SYT14: variants seen among roughly 807,000 people sequenced by gnomAD.
The protein encoded by SYT14 is synaptotagmin-14.
In SYT14, 32 loss-of-function variants were observed where a neutral mutation model predicts 74.2. The ratio of observed to expected loss-of-function variants is 0.43; its 90% confidence interval spans 0.33 to 0.58. The LOEUF is 0.58. Ranked by LOEUF, SYT14 falls within the 20% of genes least tolerant of loss-of-function variation. The pLI is 0.05. For missense variants in SYT14, 791 were observed against 981.8 expected, an observed-to-expected ratio of 0.81 and a Z score of 2.60; for synonymous variants, 298 against 337.7, an observed-to-expected ratio of 0.88 and a Z score of 1.29.
chr1:210,161,629 A>C (rs1410112087), exon 10 of SYT14: 1 of 453,952 alleles, frequency 2.2e-6, no homozygotes, highest in East Asian at 6.9e-5. Flanking sequence ...AAAAGCACTA[A>C]ATCTAAGTGC....
chr1:210,007,756 G>A (rs936806689), intron 2 of SYT14, among the ~76,000 whole-genome samples: 2 of 152,110 alleles, frequency 1.3e-5, no homozygotes, highest in Non-Finnish European at 2.9e-5. Context: ...TAAGATCATG[G>A]ATTCTGGAGT....
At chr1:210,027,469 G>A (rs562852826) in intron 5 of SYT14, among the ~76,000 whole-genome samples, 1 of 151,888 alleles carries the variant, frequency 6.6e-6, no homozygotes, top group Non-Finnish European at 1.5e-5. Context: ...TCATTAAGTG[G>A]ACATGGATTA....
At chr1:210,124,353 G>A (rs2082526355) in intron 7 of SYT14, among the ~76,000 whole-genome samples, 1 of 152,070 alleles carries the variant, frequency 6.6e-6, no homozygotes, top group Non-Finnish European at 1.5e-5. Context: ...AATCCAGGAG[G>A]ATTTAACATA....
exon 10 of SYT14, chr1:210,162,210 G>A (rs2083386740): frequency 4.7e-6 from 2 of 429,248 alleles, no homozygotes; most frequent in Non-Finnish European, 9.5e-6. Flanking sequence ...AACAGATAAA[G>A]TTCTTCAACG....
intron 5 of SYT14, among the ~76,000 whole-genome samples, chr1:210,077,750 T>A (rs1366021167): frequency 6.6e-6 from 1 of 152,222 alleles, no homozygotes; most frequent in Non-Finnish European, 1.5e-5. Flanking sequence ...CGATACTTAC[T>A]ATTGTCTATA....
chr1:210,065,910 T>C (rs1472520815), intron 5 of SYT14, among the ~76,000 whole-genome samples: 4 of 150,636 alleles, frequency 2.7e-5, no homozygotes, highest in African/African-American at 9.8e-5. Context: ...CGGTGTGTGA[T>C]GTTCCCCTTC....
chr1:209,979,188 G>A (rs200734274), intron 2 of SYT14, among the ~76,000 whole-genome samples: 4 of 152,124 alleles, frequency 2.6e-5, no homozygotes, highest in Admixed American at 6.5e-5. Flanking sequence ...TTTGGCTCAC[G>A]CTGGGTGCAC....
chr1:210,054,877 G>C (rs1196571382), intron 5 of SYT14, among the ~76,000 whole-genome samples: 1 of 152,172 alleles, frequency 6.6e-6, no homozygotes, highest in African/African-American at 2.4e-5. Context: ...TCTGTTTTCA[G>C]AGGGGGAGTG....
chr1:210,052,595 G>A (rs2102383513), intron 5 of SYT14, among the ~76,000 whole-genome samples: 1 of 141,160 alleles, frequency 7.1e-6, no homozygotes, highest in Admixed American at 7.7e-5. Context: ...CCCAGAGCCG[G>A]AGATTGCAGT....
chr1:210,049,099 C>T (rs1269634210), intron 5 of SYT14, among the ~76,000 whole-genome samples: 3 of 152,218 alleles, frequency 2.0e-5, no homozygotes, highest in Non-Finnish European at 2.9e-5. Flanking sequence ...TTCCTGGCTG[C>T]TTTCACAGGA....
intron 5 of SYT14, among the ~76,000 whole-genome samples, chr1:210,089,199 G>A (rs1235765585): frequency 2.0e-5 from 3 of 152,164 alleles, no homozygotes; most frequent in Non-Finnish European, 4.4e-5. Flanking sequence ...TCCCTGCAAA[G>A]GACATGAACT....
At chr1:209,945,714 A>G (rs183193996) in intron 1 of SYT14, among the ~76,000 whole-genome samples, 130 of 152,362 alleles carry the variant, frequency 8.5e-4, no homozygotes, top group African/African-American at 2.9e-3. Context: ...AATGATCAGA[A>G]TAAACATGGT....
At chr1:210,128,605 G>A (rs1331377627) in intron 7 of SYT14, among the ~76,000 whole-genome samples, 2 of 152,094 alleles carry the variant, frequency 1.3e-5, no homozygotes, top group Admixed American at 6.5e-5. Context: ...AAAATTAGTA[G>A]CTGAAGTGTT....
intron 5 of SYT14, among the ~76,000 whole-genome samples, chr1:210,079,582 A>G (rs1472416147): frequency 6.6e-6 from 1 of 152,220 alleles, no homozygotes; most frequent in Non-Finnish European, 1.5e-5. Flanking sequence ...TATTTTGTTT[A>G]AAATTAGAGG....
chr1:210,136,086 T>C (rs895323917), intron 7 of SYT14, among the ~76,000 whole-genome samples: 1 of 152,172 alleles, frequency 6.6e-6, no homozygotes, highest in African/African-American at 2.4e-5. Context: ...ATATTTAGGA[T>C]GTGAGACAAG....
chr1:210,066,297 G>A (rs227210), intron 5 of SYT14, among the ~76,000 whole-genome samples: 51,795 of 151,332 alleles, frequency 0.34, 9,782 homozygotes, highest in Non-Finnish European at 0.42. Context: ...CTGAGGAATC[G>A]CCACACTGAC....
At chr1:210,093,467 A>C (rs1405303752) in intron 5 of SYT14, among the ~76,000 whole-genome samples, 1 of 152,126 alleles carries the variant, frequency 6.6e-6, no homozygotes, top group Non-Finnish European at 1.5e-5. Context: ...CTGTTTCCTT[A>C]TTTCCCTCCT....
At chr1:210,052,045 A>C (rs2081006351) in intron 5 of SYT14, among the ~76,000 whole-genome samples, 1 of 152,158 alleles carries the variant, frequency 6.6e-6, no homozygotes, top group Non-Finnish European at 1.5e-5. Flanking sequence ...TCCTGAACTG[A>C]AGTCAATCAG....
intron 2 of SYT14, among the ~76,000 whole-genome samples, chr1:209,992,664 C>G (rs2079713953): frequency 6.9e-6 from 1 of 145,796 alleles, no homozygotes; most frequent in African/African-American, 2.5e-5. Flanking sequence ...CTTAAACCCC[C>G]TGAATTTATA....
Sources: allele counts gnomAD v4.1 joint callset (sites outside exome capture counted in the v4.1 genomes callset), GRCh38; gene constraint gnomAD v4.1.1; transcripts MANE v1.5; gene names NCBI Gene and HGNC (gene_info 2026-07-23, HGNC 2026-07-21).